Variants in LAMA3 observed in about 807,000 individuals in gnomAD.
LAMA3 encodes laminin subunit alpha-3.
A neutral mutation model predicts 402.0 loss-of-function variants in LAMA3; 281 were observed. That is an observed-to-expected ratio of 0.70 (90% CI 0.63 to 0.77). The LOEUF is 0.77. LAMA3 is among the 30% of genes least tolerant of loss of function. The pLI, the probability that LAMA3 is intolerant of heterozygous loss-of-function variation, is 0.00. For synonymous variants in LAMA3, 1,431 were observed against 1,558.4 expected, an observed-to-expected ratio of 0.92 and a Z score of 1.93; for missense variants, 3,840 against 4,215.5, an observed-to-expected ratio of 0.91 and a Z score of 2.47.
rs760952949 is a variant in LAMA3, at chr18:23,751,074, A to G, written c.841A>G (p.Thr281Ala). 2 of 1,614,106 alleles carry G rather than the reference A, an allele frequency of 1.2e-6. No homozygotes were observed. Among genetic ancestry groups the G allele is most frequent in the Non-Finnish European group, 8.5e-7 (1 of 1,179,974 alleles). The change falls in exon 5 of 75, where the codon ACT becomes GCT. Residue 281 changes from threonine to alanine, a missense_variant. Thr to Ala is a moderately conservative substitution (Grantham distance 58). Transcript: ENST00000313654. Reference protein sequence around the residue: ...HLISKAQRDPTVTRRYYYSIK... With the variant: ...HLISKAQRDPAVTRRYYYSIK... ...CATCTCCAAAGCCCAGCGAGATCCA[A>G]CTGTCACTCGGCGGGTGAGTAGTCA...
intron 18 of LAMA3, among the ~76,000 whole-genome samples, chr18:23,817,636 G>A (rs944766881): frequency 9.9e-5 from 15 of 151,762 alleles, no homozygotes; most frequent in African/African-American, 3.6e-4. Context: ...GATAGCTTGA[G>A]CCCAGGAGTT....
chr18:23,701,522 T>A (rs1479365236), intron 1 of LAMA3, among the ~76,000 whole-genome samples: 1 of 152,220 alleles, frequency 6.6e-6, no homozygotes, highest in Non-Finnish European at 1.5e-5. Flanking sequence ...GTTAAAAACT[T>A]CTGAGTAACT....
chr18:23,776,252 A>T (rs999311945), intron 10 of LAMA3, among the ~76,000 whole-genome samples: 3 of 152,180 alleles, frequency 2.0e-5, no homozygotes, highest in Non-Finnish European at 2.9e-5. Flanking sequence ...ATGGGCTTCC[A>T]GATATTTATC....
Position 23,833,829 on chromosome 18 carries a change from T to C in LAMA3, c.2825T>C (p.Val942Ala), listed in dbSNP as rs1449196412. ...PVMVDLSGRE[V>A]ELHLRLRIPQ... ...CTGTCTGCTTGGCCTCTGTGACAGGTGGAATTGCATCTGCGGCTGCGCATC... is the reference window on the plus strand; with the variant it reads ...CTGTCTGCTTGGCCTCTGTGACAGGCGGAATTGCATCTGCGGCTGCGCATC... Residue 942 changes from valine (V) to alanine (A), a missense_variant and splice_region_variant, in exon 24 of 75, where the codon GTG becomes GCG. Around this residue, in one of 3 missense-constraint regions of LAMA3, gnomAD observed 2,109 missense variants for 2,376.0 expected, o/e 0.89. Coordinates refer to ENST00000313654, the MANE Select transcript of LAMA3 (RefSeq NM_198129.4). 5.0e-6 allele frequency: 8 copies of C among 1,612,590 alleles called. No individual in the cohort carries two copies. The highest frequency in any genetic ancestry group is 2.2e-5 in the East Asian group (1 of 44,886).
At chr18:23,766,358 A>G (rs893303336) in intron 8 of LAMA3, among the ~76,000 whole-genome samples, 1 of 152,202 alleles carries the variant, frequency 6.6e-6, no homozygotes, top group Non-Finnish European at 1.5e-5. Flanking sequence ...GAATAAAAGC[A>G]AAAAGAAAAT....
At position 23,845,103 on chromosome 18, in the gene LAMA3, GA is replaced by G; in HGVS notation, c.3704del (p.Asn1235ThrfsTer88). Reference sequence around the variant, plus strand: ...TCACTCGAGTTTATCACCAATTGTGGAAAAAACAGCTTTTACCTTGAGTGAG... The same window carrying G: ...TCACTCGAGTTTATCACCAATTGTGGAAAAACAGCTTTTACCTTGAGTGAG... ...DKSLEFITNC[G>X]KNSFYLDPQT... is the part of the protein sequence containing the mutation. On this transcript the variant is annotated frameshift_variant, in exon 30 of 75. Coordinates refer to ENST00000313654, the MANE Select transcript of LAMA3 (RefSeq NM_198129.4). LOFTEE classifies it high-confidence loss of function. 6.2e-7 allele frequency: 1 copy of G among 1,605,596 alleles called. No individual in the cohort carries two copies. Among genetic ancestry groups the G allele is most frequent in the Non-Finnish European group, 8.5e-7 (1 of 1,172,296 alleles).
chr18:23,946,207 G>T lies in LAMA3; in HGVS notation c.9274G>T (p.Gly3092Ter). ...LVVDGLRARE[G>*]SLPGNSTISI... ...TGTGGATGGACTGAGGGCCCGGGAG[G>T]GAAGTTTGCCTGGAAACTCCACCAT... The change falls in exon 70 of 75, where the codon GGA (glycine) becomes TGA (stop). Residue 3092 changes from glycine (G) to a stop codon, truncating the protein, a stop_gained. Coordinates refer to ENST00000313654, the MANE Select transcript of LAMA3 (RefSeq NM_198129.4). LOFTEE classifies it high-confidence loss of function. 1 of 1,614,030 alleles carries T rather than the reference G, an allele frequency of 6.2e-7. No individual in the cohort carries two copies. The highest frequency in any genetic ancestry group is 8.5e-7 in the Non-Finnish European group (1 of 1,179,970).
chr18:23,846,547 T>C (rs767512296), intron 31 of LAMA3, 39 bp downstream of exon 31: 1 of 1,559,110 alleles, frequency 6.4e-7, no homozygotes. Flanking sequence ...TCTGCTCTGG[T>C]CCCGTGTGGA....
At position 23,879,134 on chromosome 18, in the gene LAMA3, A is replaced by G. The variant is rs1282731510; in HGVS notation, c.5112+2727A>G. ...GCCCATCTTCCCCTCTGCAGTTGCA[A>G]TGGAATTTCCAAATGATTTATCTGA... On this transcript the variant is annotated intron_variant, in intron 39 of 74. Coordinates refer to ENST00000313654, the MANE Select transcript of LAMA3 (RefSeq NM_198129.4). This position sits in a 1 kb window ranked among gnomAD's most constrained non-coding sequence, Gnocchi z 4.2. Among the ~76,000 whole-genome samples the G allele has an allele frequency of 2.6e-5, 4 of 151,884 alleles. No homozygotes were observed. The highest frequency in any genetic ancestry group is 9.7e-5 in the African/African-American group (4 of 41,314).
chr18:23,814,623 G>A, intron 15 of LAMA3, 121 bp downstream of exon 15: 1 of 713,620 alleles, frequency 1.4e-6, no homozygotes, highest in African/African-American at 1.8e-5. Flanking sequence ...AAGATTCTAT[G>A]TAATGTTCTG....
chr18:23,897,836 C>T (rs927274178), intron 44 of LAMA3, among the ~76,000 whole-genome samples: 6 of 152,136 alleles, frequency 3.9e-5, no homozygotes, highest in Non-Finnish European at 4.4e-5. Context: ...ATGTACATGA[C>T]ATTTTACAAT....
At chr18:23,690,044 G>A (rs895426561) in intron 1 of LAMA3, 67 bp downstream of exon 1, 62 of 1,233,432 alleles carry the variant, frequency 5.0e-5, no homozygotes, top group African/African-American at 6.4e-5. Flanking sequence ...GACACCCGGA[G>A]AAGGGATCGG....
At chr18:23,939,726 G>C (rs550231596) in intron 68 of LAMA3, among the ~76,000 whole-genome samples, 102 of 152,176 alleles carry the variant, frequency 6.7e-4, no homozygotes, top group African/African-American at 2.4e-3. Flanking sequence ...TTCTTTTCTT[G>C]TATTCTGTAG....
chr18:23,941,279 G>C, intron 68 of LAMA3, among the ~76,000 whole-genome samples: 3 of 138,728 alleles, frequency 2.2e-5, no homozygotes, highest in Admixed American at 7.2e-5. Flanking sequence ...CCTTTCCCCA[G>C]CCTCCCGCCT....
chr18:23,689,760 T>C lies in LAMA3; in HGVS notation c.77T>C (p.Leu26Pro). The stretch of plus-strand genomic sequence containing the variant: ...CCGACGCCGCTGCTCCTGCTGGTAC[T>C]GCGGGTGCTGCCAGCCTGCGGGGCG... ...LPPTPLLLLVLRVLPACGATA... is the reference protein window; with the variant it reads ...LPPTPLLLLVPRVLPACGATA... Residue 26 changes from leucine to proline, a missense_variant, in exon 1 of 75, where the codon CTG (leucine) becomes CCG (proline). This residue lies in a region of LAMA3 where 2,109 missense variants were observed against 2,376.0 expected (regional missense o/e 0.89). Transcript: ENST00000313654. 1 of 1,523,014 alleles carries C rather than the reference T, an allele frequency of 6.6e-7. No individual in the cohort carries two copies. The allele number at this position is 1,523,014 out of a possible 1,614,324, so 94.3% of individuals were successfully genotyped here. A position where few individuals can be genotyped will look rare whatever the true frequency, so the allele number is the denominator to read the frequency against.
rs573250131 is a variant in LAMA3, at chr18:23,817,691, A to G, written c.2147+1204A>G. Among the ~76,000 whole-genome samples, 166 of 151,954 alleles carry G rather than the reference A, an allele frequency of 1.1e-3. 1 individual carries two copies. The highest frequency in any genetic ancestry group is 3.4e-3 in the Middle Eastern group (1 of 294). Reference sequence around the variant, plus strand: ...GATTGCATCACTGCACTACAGCCTGAGTGACAGAGCAAGACCTTGTCTTTA... The same window carrying G: ...GATTGCATCACTGCACTACAGCCTGGGTGACAGAGCAAGACCTTGTCTTTA... On this transcript the variant is annotated intron_variant, in intron 18 of 74. Transcript: ENST00000313654.
chr18:23,694,018 G>A (rs1057475063), intron 1 of LAMA3, among the ~76,000 whole-genome samples: 2 of 152,108 alleles, frequency 1.3e-5, no homozygotes, highest in Non-Finnish European at 2.9e-5. Context: ...TTGCAATAAA[G>A]AACTGTTTGA....
chr18:23,708,943 G>A (rs1257157544), intron 1 of LAMA3, among the ~76,000 whole-genome samples: 1 of 141,936 alleles, frequency 7.0e-6, no homozygotes, highest in African/African-American at 2.6e-5. Context: ...AAAAAAAAAT[G>A]TTTTTCTTGC....
rs1322165116 is a variant in LAMA3 at position 23,899,030 on chromosome 18, A to G, written c.5801A>G (p.Asp1934Gly). The G allele has an allele frequency of 6.2e-7, 1 of 1,614,010 alleles. No homozygotes were observed. Among genetic ancestry groups the G allele is most frequent in the Non-Finnish European group, 8.5e-7 (1 of 1,179,882 alleles). The change falls in exon 46 of 75, where the codon GAT becomes GGT. Residue 1934 changes from aspartate to glycine, a missense_variant. Asp to Gly is a moderately conservative substitution (Grantham distance 94, BLOSUM62 -1). Transcript: ENST00000313654. ...GCAACACAAAGCGCAAAAGAACTGG[A>G]TGTGAAGATTAAAAATGTCATCCGG... ...NRATQSAKEL[D>G]VKIKNVIRNV... is the part of the protein sequence containing the mutation.
Sources: allele counts gnomAD v4.1 joint callset (sites outside exome capture counted in the v4.1 genomes callset), GRCh38; gene constraint gnomAD v4.1.1; regional missense constraint gnomAD v4.1.1; non-coding constraint Gnocchi (gnomAD v3.1); transcripts MANE v1.5; gene names NCBI Gene and HGNC (gene_info 2026-07-23, HGNC 2026-07-21).